DLC1: variants seen among roughly 807,000 people sequenced by gnomAD.
The protein encoded by DLC1 is DLC1 Rho GTPase activating protein.
In DLC1, 54 loss-of-function variants were observed where a neutral mutation model predicts 140.3. The ratio of observed to expected loss-of-function variants is 0.38; its 90% CI spans 0.31 to 0.48. The LOEUF (loss-of-function observed/expected upper bound fraction) is 0.48, where lower values mean the gene tolerates loss of function less well. DLC1 is among the 20% of genes least tolerant of loss of function. DLC1 has a pLI of 0.96. For synonymous variants in DLC1, 986 were observed against 728.1 expected, an observed-to-expected ratio of 1.35 and a Z score of -5.70; for missense variants, 2,536 against 1,907.0, an observed-to-expected ratio of 1.33 and a Z score of -6.14.
chr8:13,281,727 G>A (rs1447314272), intron 5 of DLC1, among the ~76,000 whole-genome samples: 1 of 152,254 alleles, frequency 6.6e-6, no homozygotes, highest in East Asian at 1.9e-4. Context: ...ATATCTATAT[G>A]GGAAGAGGCT....
intron 4 of DLC1, among the ~76,000 whole-genome samples, chr8:13,324,574 A>AAAAT (rs1833263205): frequency 6.6e-6 from 1 of 150,964 alleles, no homozygotes; most frequent in African/African-American, 2.4e-5. Context: ...CTCCGTCTCA[A>AAAAT]AAAAAAAAAA....
At chr8:13,347,525 C>G (rs750766663) in intron 4 of DLC1, among the ~76,000 whole-genome samples, 2 of 152,104 alleles carry the variant, frequency 1.3e-5, no homozygotes, top group African/African-American at 2.4e-5. Flanking sequence ...ACAGCCCATT[C>G]CATATAATGA....
At chr8:13,580,020 C>T (rs1035123123) in intron 1 of DLC1, among the ~76,000 whole-genome samples, 1 of 152,142 alleles carries the variant, frequency 6.6e-6, no homozygotes, top group African/African-American at 2.4e-5. Context: ...ATCTCAGACA[C>T]ATGCTCTAGG....
chr8:13,551,867 T>A (rs1400424634), intron 1 of DLC1, among the ~76,000 whole-genome samples: 1 of 91,312 alleles, frequency 1.1e-5, no homozygotes, highest in African/African-American at 3.9e-5. Context: ...CAAGTGTGTG[T>A]ATATATATAT....
intron 4 of DLC1, among the ~76,000 whole-genome samples, chr8:13,321,807 A>G (rs1187000783): frequency 6.6e-6 from 1 of 152,184 alleles, no homozygotes; most frequent in African/African-American, 2.4e-5. Flanking sequence ...GGCTGTCTTG[A>G]TAATAATTCA....
chr8:13,287,185 C>T (rs1237628944), intron 5 of DLC1, among the ~76,000 whole-genome samples: 2 of 152,190 alleles, frequency 1.3e-5, no homozygotes, highest in Non-Finnish European at 2.9e-5. Flanking sequence ...CCTCCCACTT[C>T]TTACTGGCTT....
At chr8:13,158,559 G>C (rs560028472) in intron 5 of DLC1, among the ~76,000 whole-genome samples, 1 of 152,196 alleles carries the variant, frequency 6.6e-6, no homozygotes, top group African/African-American at 2.4e-5. Context: ...TTCTTCCTCG[G>C]GTCAAACAGT....
At chr8:13,317,370 T>C (rs573908121) in intron 4 of DLC1, among the ~76,000 whole-genome samples, 2 of 152,326 alleles carry the variant, frequency 1.3e-5, no homozygotes, top group Middle Eastern at 3.4e-3. Context: ...CATAAAAGCA[T>C]AGACTTTATA....
chr8:13,208,934 A>T (rs1340863464), intron 5 of DLC1, among the ~76,000 whole-genome samples: 1 of 152,218 alleles, frequency 6.6e-6, no homozygotes, highest in African/African-American at 2.4e-5. Context: ...AATATCATTT[A>T]TAATGTGTGC....
chr8:13,150,720 A>C (rs1823742813), intron 5 of DLC1, among the ~76,000 whole-genome samples: 1 of 152,248 alleles, frequency 6.6e-6, no homozygotes, highest in Non-Finnish European at 1.5e-5. Context: ...TTTCAGTAAC[A>C]GTTTAATGTG....
chr8:13,332,172 T>C (rs1311773014), intron 4 of DLC1, among the ~76,000 whole-genome samples: 1 of 152,214 alleles, frequency 6.6e-6, no homozygotes, highest in Non-Finnish European at 1.5e-5. Context: ...AAACACCTTA[T>C]TTCAACCATT....
intron 5 of DLC1, among the ~76,000 whole-genome samples, chr8:13,203,502 T>A (rs1278286822): frequency 6.6e-6 from 1 of 152,200 alleles, no homozygotes; most frequent in Non-Finnish European, 1.5e-5. Context: ...TTGAATTTCC[T>A]ATGAATAGGA....
chr8:13,488,717 T>G (rs1200786716), intron 2 of DLC1, among the ~76,000 whole-genome samples: 1 of 152,208 alleles, frequency 6.6e-6, no homozygotes, highest in Non-Finnish European at 1.5e-5. Flanking sequence ...GAAACCTAAT[T>G]AAGATATAAC....
At chr8:13,483,836 T>A (rs961402337) in intron 2 of DLC1, among the ~76,000 whole-genome samples, 6 of 152,042 alleles carry the variant, frequency 3.9e-5, no homozygotes, top group Non-Finnish European at 8.8e-5. Flanking sequence ...AATCCCAGCA[T>A]TTTGGGAGGC....
At chr8:13,372,702 C>G (rs1198610666) in intron 4 of DLC1, among the ~76,000 whole-genome samples, 2 of 152,138 alleles carry the variant, frequency 1.3e-5, no homozygotes, top group African/African-American at 4.8e-5. Context: ...GTGGAAAGTT[C>G]AAGGCATCCC....
chr8:13,196,875 G>A (rs1039299147), intron 5 of DLC1, among the ~76,000 whole-genome samples: 2 of 152,210 alleles, frequency 1.3e-5, no homozygotes, highest in African/African-American at 2.4e-5. Flanking sequence ...ACAGTGGGGT[G>A]TGAATTTGAT....
At chr8:13,097,119 A>G (rs1818565787) in intron 10 of DLC1, among the ~76,000 whole-genome samples, 1 of 152,130 alleles carries the variant, frequency 6.6e-6, no homozygotes, top group East Asian at 1.9e-4. Context: ...TCATCTCTAC[A>G]TTTGAGTCTA....
intron 6 of DLC1, among the ~76,000 whole-genome samples, chr8:13,113,300 G>T (rs1239656082): frequency 6.6e-6 from 1 of 152,134 alleles, no homozygotes; most frequent in East Asian, 1.9e-4. Context: ...GTGTGGGTTG[G>T]TATGGGGTGT....
intron 2 of DLC1, among the ~76,000 whole-genome samples, chr8:13,463,032 G>A (rs1799744047): frequency 6.6e-6 from 1 of 152,054 alleles, no homozygotes; most frequent in Non-Finnish European, 1.5e-5. Context: ...ATTTCAAACT[G>A]AAATATATTG....
Sources: gnomAD v4.1 joint callset for allele counts (sites outside exome capture counted in the v4.1 genomes callset) on GRCh38, gnomAD v4.1.1 for gene constraint, MANE v1.5 for transcripts, NCBI Gene and HGNC (gene_info 2026-07-23, HGNC 2026-07-21) for gene names.